Variants in XKR6 observed in about 807,000 individuals in gnomAD.
The protein encoded by XKR6 is XK-related protein 6.
In XKR6, 22 loss-of-function variants were observed where a neutral mutation model predicts 56.7. That is an observed-to-expected ratio of 0.39 (90% CI 0.28 to 0.55). The LOEUF is 0.55. Among genes scored for constraint, XKR6 ranks in the 20% least tolerant of loss-of-function variants. XKR6 has a pLI of 0.66. For missense variants in XKR6, 852 were observed against 889.0 expected, an observed-to-expected ratio of 0.96 and a Z score of 0.53; for synonymous variants, 524 against 387.8, an observed-to-expected ratio of 1.35 and a Z score of -4.13.
At chr8:11,048,168 C>G (rs1799456115) in intron 1 of XKR6, among the ~76,000 whole-genome samples, 1 of 152,170 alleles carries the variant, frequency 6.6e-6, no homozygotes, top group African/African-American at 2.4e-5. Context: ...ACACTCAGCC[C>G]TGGGGAAGCC....
intron 1 of XKR6, among the ~76,000 whole-genome samples, chr8:10,984,661 T>G (rs1365319483): frequency 6.7e-6 from 1 of 148,402 alleles, no homozygotes; most frequent in Non-Finnish European, 1.5e-5. Context: ...GAAAACAACA[T>G]TTTTTAAAAG....
chr8:11,117,782 TAATATG>T (rs1212478760), intron 1 of XKR6, among the ~76,000 whole-genome samples: 24 of 152,080 alleles, frequency 1.6e-4, no homozygotes, highest in African/African-American at 5.8e-4. Flanking sequence ...TAGTAAATAT[TAATATG>T]AATACAGTTC....
intron 1 of XKR6, among the ~76,000 whole-genome samples, chr8:10,927,614 C>A (rs1800930412): frequency 6.6e-6 from 1 of 152,176 alleles, no homozygotes; most frequent in East Asian, 1.9e-4. Flanking sequence ...AAAGGGAGCA[C>A]CAGTTCTACC....
intron 1 of XKR6, among the ~76,000 whole-genome samples, chr8:11,040,158 A>C (rs906679544): frequency 6.6e-6 from 1 of 151,968 alleles, no homozygotes; most frequent in African/African-American, 2.4e-5. Context: ...TCCCTTGTCC[A>C]TAAGGTCCAC....
At chr8:11,130,610 C>T (rs1365636523) in intron 1 of XKR6, among the ~76,000 whole-genome samples, 6 of 150,304 alleles carry the variant, frequency 4.0e-5, no homozygotes, top group Middle Eastern at 3.5e-3. Flanking sequence ...TCTCCCTCGC[C>T]GGTTTTTTTT....
chr8:10,963,101 T>C (rs958470791), intron 1 of XKR6, among the ~76,000 whole-genome samples: 1 of 152,098 alleles, frequency 6.6e-6, no homozygotes, highest in Admixed American at 6.5e-5. Context: ...ACATCCCGCT[T>C]CTCCTCTCTC....
rs182193578 is a variant in XKR6, at chr8:10,952,229, T to G, written c.765-27399A>C. ...TTCACCCACAGGCCTCCCCGTGACG[T>G]TCCCGCTCTGAAGTGATTGGGTAAT... is the stretch of plus-strand genomic sequence containing the variant. On this transcript the variant is annotated intron_variant, in intron 1 of 2. Transcript: ENST00000416569. 2.0e-5 allele frequency among the ~76,000 whole-genome samples: 3 copies of G among 152,106 alleles called. No individual in the cohort carries two copies. The East Asian group carries it at 5.8e-4, about 30-fold the overall frequency.
intron 1 of XKR6, among the ~76,000 whole-genome samples, chr8:11,098,662 C>A (rs1798352287): frequency 1.3e-5 from 2 of 152,128 alleles, no homozygotes; most frequent in Non-Finnish European, 2.9e-5. Flanking sequence ...CAAGGTACCT[C>A]TTTTATAGTA....
chr8:11,091,436 C>CAAATAAATAAATAAATAAATAAAT (rs141357916), intron 1 of XKR6, among the ~76,000 whole-genome samples: 144 of 143,078 alleles, frequency 1.0e-3, no homozygotes, highest in Middle Eastern at 3.4e-3. Flanking sequence ...GACCCTGACT[C>CAAATAAATAAATAAATAAATAAAT]AAATAAATAA....
At chr8:10,955,338 A>C (rs937550865) in intron 1 of XKR6, among the ~76,000 whole-genome samples, 5 of 151,974 alleles carry the variant, frequency 3.3e-5, no homozygotes, top group Non-Finnish European at 5.9e-5. Context: ...ATGCCCAGCT[A>C]ATTTTCTTAT....
chr8:11,107,629 G>C (rs555659371), intron 1 of XKR6, among the ~76,000 whole-genome samples: 4 of 152,128 alleles, frequency 2.6e-5, no homozygotes, highest in Non-Finnish European at 5.9e-5. Flanking sequence ...CTGTAGATGC[G>C]AAACAGTGAG....
intron 2 of XKR6, among the ~76,000 whole-genome samples, chr8:10,910,207 C>A (rs1381230001): frequency 8.5e-5 from 13 of 152,112 alleles, no homozygotes; most frequent in Admixed American, 8.5e-4. Context: ...CCCCTCACAA[C>A]AAAGAATGAC....
intron 1 of XKR6, chr8:11,108,459 A>G (rs565827877): frequency 3.7e-4 from 155 of 417,536 alleles, no homozygotes; most frequent in African/African-American, 2.9e-3. Context: ...TAGAAGAAAT[A>G]TGTTCATTTA....
chr8:10,981,703 C>T (rs1334786969), intron 1 of XKR6, among the ~76,000 whole-genome samples: 1 of 152,180 alleles, frequency 6.6e-6, no homozygotes, highest in Non-Finnish European at 1.5e-5. Context: ...CCCAGCTTCC[C>T]CTGAAAACTT....
At chr8:11,086,972 C>T (rs997970553) in intron 1 of XKR6, among the ~76,000 whole-genome samples, 2 of 152,324 alleles carry the variant, frequency 1.3e-5, no homozygotes, top group East Asian at 1.9e-4. Context: ...CATGGTCTCT[C>T]GGAAGCTGAG....
At chr8:11,198,957 C>T (rs571378380) in intron 1 of XKR6, among the ~76,000 whole-genome samples, 6 of 152,208 alleles carry the variant, frequency 3.9e-5, no homozygotes, top group African/African-American at 1.4e-4. Context: ...AACACACTAC[C>T]TTTCATTCGA....
At chr8:11,068,921 C>T (rs999266975) in intron 1 of XKR6, among the ~76,000 whole-genome samples, 1 of 152,222 alleles carries the variant, frequency 6.6e-6, no homozygotes, top group African/African-American at 2.4e-5. Flanking sequence ...CACTCCTGCA[C>T]CTACATTCTC....
chr8:11,173,350 AAT>A lies in XKR6; in HGVS notation c.764+27224_764+27225del, dbSNP rs58235734. Among the ~76,000 whole-genome samples, 117 of 142,854 alleles carry A rather than the reference AAT, an allele frequency of 8.2e-4. No individual in the cohort carries two copies. In the East Asian group the frequency reaches 0.014, roughly 17 times the overall value. The allele number at this position is 142,854 out of a possible 152,430, so 93.7% of individuals were successfully genotyped here. ...CAAAGCGAGACTCCGCCTTAAAAAAAATATATATATATATATACACACACACA... is the reference window on the plus strand; with the variant it reads ...CAAAGCGAGACTCCGCCTTAAAAAAAATATATATATATATACACACACACA... On this transcript the variant is annotated intron_variant, in intron 1 of 2. Coordinates refer to ENST00000416569, the MANE Select transcript of XKR6 (RefSeq NM_173683.4).
At chr8:11,027,312 G>A (rs893368309) in intron 1 of XKR6, among the ~76,000 whole-genome samples, 2 of 152,186 alleles carry the variant, frequency 1.3e-5, no homozygotes, top group African/African-American at 4.8e-5. Flanking sequence ...ATGTGACTAT[G>A]TATATTGGGT....
Sources: allele counts gnomAD v4.1 joint callset (sites outside exome capture counted in the v4.1 genomes callset), GRCh38; gene constraint gnomAD v4.1.1; transcripts MANE v1.5; gene names NCBI Gene and HGNC (gene_info 2026-07-23, HGNC 2026-07-21).